The following NYAP1 variants were observed in gnomAD, a reference collection of about 807,000 sequenced individuals.
NYAP1 encodes neuronal tyrosine phosphorylated phosphoinositide-3-kinase adaptor 1.
A neutral mutation model predicts 58.6 loss-of-function variants in NYAP1; 20 were observed. That is an observed-to-expected ratio of 0.34 (90% CI 0.24 to 0.50). The LOEUF (loss-of-function observed/expected upper bound fraction) is 0.50, where lower values mean the gene tolerates loss of function less well. Ranked by LOEUF, NYAP1 falls within the 20% of genes least tolerant of loss-of-function variation. NYAP1 has a pLI of 0.98. For synonymous variants in NYAP1, 572 were observed against 523.1 expected (o/e 1.09, Z -1.27); for missense variants, 1,150 against 1,194.5 (o/e 0.96, Z 0.55).
Position 100,493,966 on chromosome 7 carries a change from G to T in NYAP1, c.*63G>T, listed in dbSNP as rs1799835569. On this transcript the variant is annotated 3_prime_UTR_variant, in exon 7 of 7. Coordinates refer to ENST00000300179, the MANE Select transcript of NYAP1 (RefSeq NM_173564.4). ...GGGGGCGGGCACGCCTGGCTCTCCC[G>T]GGAGCCTCGCCTTGAGAGACATTGA... is the stretch of plus-strand genomic sequence containing the variant. 9 of 1,323,588 alleles carry T rather than the reference G, an allele frequency of 6.8e-6. No homozygotes were observed. Among genetic ancestry groups the T allele is most frequent in the Non-Finnish European group, 7.9e-6 (8 of 1,012,546 alleles). 82.0% of individuals were successfully genotyped at this position (1,323,588 alleles called of 1,614,324 possible).
Position 100,486,937 on chromosome 7 carries a change from C to T in NYAP1, c.185C>T (p.Thr62Met), listed in dbSNP as rs1799712118. Reference sequence around the variant, plus strand: ...CGCTCCCTCAGGATGGGTTTCATGACGATGCCCGCCTCCCAGGAGCACACC... The same window carrying T: ...CGCTCCCTCAGGATGGGTTTCATGATGATGCCCGCCTCCCAGGAGCACACC... ...LRRSLRMGFM[T>M]MPASQEHTPH... The change falls in exon 3 of 7, where the codon ACG (threonine) becomes ATG (methionine). Residue 62 changes from threonine to methionine, a missense_variant. By Grantham distance (81) the Thr-to-Met change is moderately conservative. Transcript: ENST00000300179. The surrounding 1 kb of genome is among the most constrained non-coding windows in gnomAD (Gnocchi z 6.2). 4 of 1,602,820 alleles carry T rather than the reference C, an allele frequency of 2.5e-6. No individual in the cohort carries two copies. The highest frequency in any genetic ancestry group is 2.2e-5 in the East Asian group (1 of 44,584).
Position 100,490,592 on chromosome 7 carries a change from C to T in NYAP1, c.2021C>T (p.Pro674Leu). 6.3e-7 allele frequency: 1 copy of T among 1,580,836 alleles called. No homozygotes were observed. The highest frequency in any genetic ancestry group is 1.2e-5 in the South Asian group (1 of 86,260). The change falls in exon 5 of 7, where the codon CCT becomes CTT. Residue 674 changes from proline (P) to leucine (L), a missense_variant. Physicochemically the swap from Pro to Leu is moderately conservative, Grantham distance 98 (BLOSUM62 -3). Coordinates refer to ENST00000300179, the MANE Select transcript of NYAP1 (RefSeq NM_173564.4). The surrounding 1 kb of genome is among the most constrained non-coding windows in gnomAD (Gnocchi z 4.6). ...AAGGTGGAGCGTGAGGACAGGGGCCCTGGGACATCGGGGATCCCAGTGAGA... is the reference window on the plus strand; with the variant it reads ...AAGGTGGAGCGTGAGGACAGGGGCCTTGGGACATCGGGGATCCCAGTGAGA... ...PGKVEREDRG[P>L]GTSGIPVRSQ... is the part of the protein sequence containing the mutation.
Position 100,489,406 on chromosome 7 carries a change from C to A in NYAP1, c.1685C>A (p.Pro562His). Residue 562 changes from proline to histidine, a missense_variant, in exon 4 of 7, where the codon CCT becomes CAT. Coordinates refer to ENST00000300179, the MANE Select transcript of NYAP1 (RefSeq NM_173564.4). ...PATAAGLKRP[P>H]AYESLKAGGV... ...ACAGCAGCTGGGCTCAAGAGACCCC[C>A]TGCCTATGAGAGCCTCAAGGCTGGG... The A allele has an allele frequency of 1.2e-6, 2 of 1,613,040 alleles. No homozygotes were observed. Among genetic ancestry groups the A allele is most frequent in the Non-Finnish European group, 1.7e-6 (2 of 1,179,944 alleles).
Position 100,490,548 on chromosome 7 carries a change from C to T in NYAP1, c.1977C>T (p.Gly659=). ...AGGACGGTGCCCGGGCCTGGAATGG[C>T]AGTGCCGAGGGTCCAGGCAAGGTGG... ...KVEDGARAWN[G]SAEGPGKVER... Residue 659 remains glycine (G), a synonymous_variant, in exon 5 of 7, where the codon GGC becomes GGT. Coordinates refer to ENST00000300179, the MANE Select transcript of NYAP1 (RefSeq NM_173564.4). This position sits in a 1 kb window ranked among gnomAD's most constrained non-coding sequence, Gnocchi z 4.6. The T allele has an allele frequency of 6.3e-7, 1 of 1,588,238 alleles. No homozygotes were observed. The highest frequency in any genetic ancestry group is 1.7e-4 in the Middle Eastern group (1 of 6,022).
rs779643944 is a variant in NYAP1, at chr7:100,488,823, G to A, written c.1102G>A (p.Gly368Ser). 65 of 1,575,262 alleles carry A rather than the reference G, an allele frequency of 4.1e-5. No homozygotes were observed. Among genetic ancestry groups the A allele is most frequent in the Non-Finnish European group, 5.3e-5 (62 of 1,162,848 alleles). Residue 368 changes from glycine to serine, a missense_variant, in exon 4 of 7, where the codon GGC becomes AGC. Physicochemically the swap from Gly to Ser is moderately conservative, Grantham distance 56. Transcript: ENST00000300179. This position sits in a 1 kb window ranked among gnomAD's most constrained non-coding sequence, Gnocchi z 5.9. ...PVLCHSKEPA[G>S]STPAPQVPAR... ...CCTCTGCCACTCCAAGGAGCCAGCCGGCTCCACCCCAGCTCCCCAAGTGCC... is the reference window on the plus strand; with the variant it reads ...CCTCTGCCACTCCAAGGAGCCAGCCAGCTCCACCCCAGCTCCCCAAGTGCC...
In NYAP1 at chr7:100,490,941, T is replaced by G; in HGVS notation, c.2159-45T>G. 1 of 1,288,146 alleles carries G rather than the reference T, an allele frequency of 7.8e-7. No individual in the cohort carries two copies. The highest frequency in any genetic ancestry group is 2.5e-5 in the East Asian group (1 of 39,296). 79.8% of individuals were successfully genotyped at this position (1,288,146 alleles called of 1,614,324 possible). A position where few individuals can be genotyped will look rare whatever the true frequency, so the allele number is the denominator to read the frequency against. ...AGGGGACTGGGAACTAGGGGAGGGG[T>G]ACCTGAGGCCCCTGCACTCCTCACT... On this transcript the variant is annotated intron_variant, in intron 5 of 6. Transcript: ENST00000300179. The surrounding 1 kb of genome is among the most constrained non-coding windows in gnomAD (Gnocchi z 4.6).
At chr7:100,493,352 C>A (rs941065923) in intron 6 of NYAP1, among the ~76,000 whole-genome samples, 7 of 152,096 alleles carry the variant, frequency 4.6e-5, no homozygotes, top group Admixed American at 3.3e-4. Context: ...CAGAGCCAGA[C>A]CCTGTCTCAA....
chr7:100,487,246 G>T lies in NYAP1; in HGVS notation c.430+64G>T, dbSNP rs181041772. ...AGCTGGGAGGATCTATTCCACGCCC[G>T]GGGAGGCTTGCCGGGAGGGTTCATT... On this transcript the variant is annotated intron_variant, in intron 3 of 6. Transcript: ENST00000300179. This position sits in a 1 kb window ranked among gnomAD's most constrained non-coding sequence, Gnocchi z 4.1. 1.7e-4 allele frequency: 245 copies of T among 1,433,296 alleles called. No homozygotes were observed. The highest frequency in any genetic ancestry group is 2.2e-4 in the Non-Finnish European group (235 of 1,089,212). 88.8% of individuals were successfully genotyped at this position (1,433,296 alleles called of 1,614,324 possible).
intron 6 of NYAP1, among the ~76,000 whole-genome samples, chr7:100,492,964 G>A (rs1448737162): frequency 6.6e-6 from 1 of 151,744 alleles, no homozygotes; most frequent in African/African-American, 2.4e-5. Context: ...AAGAGAGAAA[G>A]AAAGCAAGCA....
chr7:100,493,942 G>A lies in NYAP1; in HGVS notation c.*39G>A. The A allele has an allele frequency of 7.2e-7, 1 of 1,391,754 alleles. No individual in the cohort carries two copies. Among genetic ancestry groups the A allele is most frequent in the East Asian group, 2.8e-5 (1 of 35,510 alleles). 86.2% of individuals were successfully genotyped at this position (1,391,754 alleles called of 1,614,324 possible). On this transcript the variant is annotated 3_prime_UTR_variant, in exon 7 of 7. Transcript: ENST00000300179. Reference sequence around the variant, plus strand: ...GTACCGGGGCGCCTGGACTGGGGAGGGGGCGGGCACGCCTGGCTCTCCCGG... The same window carrying A: ...GTACCGGGGCGCCTGGACTGGGGAGAGGGCGGGCACGCCTGGCTCTCCCGG...
At position 100,487,507 on chromosome 7, in the gene NYAP1, CT is replaced by C. The variant is rs960742527; in HGVS notation, c.430+337del. Among the ~76,000 whole-genome samples, 93 of 146,896 alleles carry C rather than the reference CT, an allele frequency of 6.3e-4. No individual in the cohort carries two copies. Among genetic ancestry groups the C allele is most frequent in the Admixed American group, 8.8e-4 (13 of 14,766 alleles). On this transcript the variant is annotated intron_variant, in intron 3 of 6. Transcript: ENST00000300179. This position sits in a 1 kb window ranked among gnomAD's most constrained non-coding sequence, Gnocchi z 4.1. The stretch of plus-strand genomic sequence containing the variant: ...GTGGCTCACGCCCGTAATCTCAGCA[CT>C]TTTTTTTTTTTGAGACAGAGTCTCG...
At position 100,489,144 on chromosome 7, in the gene NYAP1, C is replaced by T. The variant is rs1408934673; in HGVS notation, c.1423C>T (p.Leu475=). Reference sequence around the variant, plus strand: ...GGTCAAGGTGACCACGCACTCTGTCCTGCCAGCTGGTCCACCCCTGGGTGC... The same window carrying T: ...GGTCAAGGTGACCACGCACTCTGTCTTGCCAGCTGGTCCACCCCTGGGTGC... ...SAVKVTTHSV[L]PAGPPLGAGE... Residue 475 remains leucine, a synonymous_variant, in exon 4 of 7, where the codon CTG becomes TTG. Coordinates refer to ENST00000300179, the MANE Select transcript of NYAP1 (RefSeq NM_173564.4). 1.9e-6 allele frequency: 3 copies of T among 1,608,082 alleles called. No homozygotes were observed. Among genetic ancestry groups the T allele is most frequent in the South Asian group, 2.2e-5 (2 of 90,132 alleles).
chr7:100,491,912 T>C (rs758915510), intron 6 of NYAP1, among the ~76,000 whole-genome samples: 1 of 152,078 alleles, frequency 6.6e-6, no homozygotes, highest in African/African-American at 2.4e-5. Flanking sequence ...CCGGGCGTGG[T>C]AGCGCACGCC....
At position 100,488,627 on chromosome 7, in the gene NYAP1, C is replaced by T; in HGVS notation, c.906C>T (p.Arg302=). Residue 302 remains arginine, a synonymous_variant, in exon 4 of 7, where the codon CGC becomes CGT. Transcript: ENST00000300179. The surrounding 1 kb of genome is among the most constrained non-coding windows in gnomAD (Gnocchi z 5.9). The part of the protein sequence containing the change: ...PHALPPHAHR[R]PASALPSRRD... Reference sequence around the variant, plus strand: ...CCCTTCCGCCCCATGCCCACCGCCGCCCAGCTTCAGCCCTCCCGAGCCGGA... The same window carrying T: ...CCCTTCCGCCCCATGCCCACCGCCGTCCAGCTTCAGCCCTCCCGAGCCGGA... 6.2e-7 allele frequency: 1 copy of T among 1,610,808 alleles called. No homozygotes were observed. Among genetic ancestry groups the T allele is most frequent in the South Asian group, 1.1e-5 (1 of 90,936 alleles).
Position 100,488,829 on chromosome 7 carries a change from A to G in NYAP1, c.1108A>G (p.Thr370Ala), listed in dbSNP as rs746504435. 26 of 1,575,034 alleles carry G rather than the reference A, an allele frequency of 1.7e-5. No individual in the cohort carries two copies. Among genetic ancestry groups the G allele is most frequent in the South Asian group, 3.5e-5 (3 of 86,190 alleles). Residue 370 changes from threonine to alanine, a missense_variant, in exon 4 of 7, where the codon ACC becomes GCC. Physicochemically the swap from Thr to Ala is moderately conservative, Grantham distance 58 (BLOSUM62 0). Coordinates refer to ENST00000300179, the MANE Select transcript of NYAP1 (RefSeq NM_173564.4). The surrounding 1 kb of genome is among the most constrained non-coding windows in gnomAD (Gnocchi z 5.9). ...LCHSKEPAGSTPAPQVPARER... is the reference protein window; with the variant it reads ...LCHSKEPAGSAPAPQVPARER... ...CCACTCCAAGGAGCCAGCCGGCTCC[A>G]CCCCAGCTCCCCAAGTGCCTGCACG...
rs986992639 is a variant in NYAP1, at chr7:100,488,311, C to T, written c.590C>T (p.Thr197Ile). ...GGGAACCTGCCTCTTCAGCGCCTCA[C>T]TAGGGGGTCCCGAGTAGCTGGGGAC... ...RGGNLPLQRL[T>I]RGSRVAGDPD... The change falls in exon 4 of 7, where the codon ACT (threonine) becomes ATT (isoleucine). Residue 197 changes from threonine to isoleucine, a missense_variant. Transcript: ENST00000300179. The surrounding 1 kb of genome is among the most constrained non-coding windows in gnomAD (Gnocchi z 5.9). 6.2e-7 allele frequency: 1 copy of T among 1,612,502 alleles called. No individual in the cohort carries two copies. The highest frequency in any genetic ancestry group is 1.3e-5 in the African/African-American group (1 of 74,836).
chr7:100,484,917 T>C (rs972099658), intron 1 of NYAP1, among the ~76,000 whole-genome samples: 1 of 152,108 alleles, frequency 6.6e-6, no homozygotes, highest in Non-Finnish European at 1.5e-5. Flanking sequence ...GAATGTGTAC[T>C]TGTGTAGCTG....
rs377648701 is a variant in NYAP1, at chr7:100,488,339, T to C, written c.618T>C (p.Pro206=). The C allele has an allele frequency of 9.2e-5, 147 of 1,606,454 alleles. No homozygotes were observed. The highest frequency in any genetic ancestry group is 1.2e-4 in the Non-Finnish European group (145 of 1,177,616). The part of the protein sequence containing the change: ...LTRGSRVAGD[P]DVGAQEEPVY... ...GGGGGTCCCGAGTAGCTGGGGACCCTGATGTGGGTGCCCAGGAAGAGCCTG... is the reference window on the plus strand; with the variant it reads ...GGGGGTCCCGAGTAGCTGGGGACCCCGATGTGGGTGCCCAGGAAGAGCCTG... The change falls in exon 4 of 7, where the codon CCT becomes CCC. Residue 206 remains proline, a synonymous_variant. Transcript: ENST00000300179. The surrounding 1 kb of genome is among the most constrained non-coding windows in gnomAD (Gnocchi z 5.9).
rs907273624 is a variant in NYAP1, at chr7:100,490,786, G to A, written c.2158+57G>A. On this transcript the variant is annotated intron_variant, in intron 5 of 6. Coordinates refer to ENST00000300179, the MANE Select transcript of NYAP1 (RefSeq NM_173564.4). The surrounding 1 kb of genome is among the most constrained non-coding windows in gnomAD (Gnocchi z 4.6). ...GGGGCTGGCTGGGGGATCTCCCGGGGTCTAGCTGCACCTGTCCTGACTTCC... is the reference window on the plus strand; with the variant it reads ...GGGGCTGGCTGGGGGATCTCCCGGGATCTAGCTGCACCTGTCCTGACTTCC... 7 of 1,421,902 alleles carry A rather than the reference G, an allele frequency of 4.9e-6. No homozygotes were observed. The South Asian group carries it at 5.8e-5, about 12-fold the overall frequency. The allele number at this position is 1,421,902 out of a possible 1,614,324, so 88.1% of individuals were successfully genotyped here.
Sources: gnomAD v4.1 joint callset for allele counts (sites outside exome capture counted in the v4.1 genomes callset) on GRCh38, gnomAD v4.1.1 for gene constraint, Gnocchi (gnomAD v3.1) non-coding constraint, MANE v1.5 for transcripts, NCBI Gene and HGNC (gene_info 2026-07-23, HGNC 2026-07-21) for gene names.